Variants in LARP4B observed in about 807,000 individuals in gnomAD.
LARP4B encodes the protein la-related protein 4B.
In LARP4B, 12 loss-of-function variants were observed where a neutral mutation model predicts 89.8. The ratio of observed to expected loss-of-function variants is 0.13; its 90% CI spans 0.09 to 0.22. LARP4B has a LOEUF of 0.22. Among genes scored for constraint, LARP4B ranks in the 10% least tolerant of loss-of-function variants. LARP4B has a pLI of 1.00. For synonymous variants in LARP4B, 367 were observed against 363.3 expected (o/e 1.01, Z -0.12); for missense variants, 757 against 947.7 (o/e 0.80, Z 2.64).
the LARP4B span, among the ~76,000 whole-genome samples, chr10:937,041 T>A: frequency 6.6e-6 from 1 of 152,140 alleles, no homozygotes; most frequent in African/African-American, 2.4e-5. Context: ...GAAGAAGAGA[T>A]TTTTTTATTT....
chr10:852,706 C>T (rs1258851919), intron 5 of LARP4B, among the ~76,000 whole-genome samples: 4 of 152,082 alleles, frequency 2.6e-5, no homozygotes, highest in Admixed American at 2.0e-4. Flanking sequence ...TAAAATAATC[C>T]AATCATCTAT....
chr10:846,350 A>G (rs904518018), intron 5 of LARP4B, among the ~76,000 whole-genome samples: 3 of 152,230 alleles, frequency 2.0e-5, no homozygotes, highest in African/African-American at 7.2e-5. Flanking sequence ...AGAGAAACGG[A>G]CACTGAGGAA....
the LARP4B span, among the ~76,000 whole-genome samples, chr10:976,964 T>C: frequency 1.3e-5 from 2 of 151,406 alleles, no homozygotes; most frequent in East Asian, 2.0e-4. Flanking sequence ...TGTTGTGTAA[T>C]GTGTGGACCC....
the LARP4B span, among the ~76,000 whole-genome samples, chr10:947,720 C>G: frequency 6.6e-6 from 1 of 152,152 alleles, no homozygotes. Context: ...CTCCCAGGTT[C>G]AAGCAATTCT....
the LARP4B span, among the ~76,000 whole-genome samples, chr10:957,579 C>T: frequency 6.6e-6 from 1 of 151,986 alleles, no homozygotes; most frequent in Admixed American, 6.6e-5. Flanking sequence ...TATTGTTAGA[C>T]TTTGTATACC....
chr10:815,178 G>A, intron 15 of LARP4B, 108 bp from the exon 16 acceptor site: 1 of 1,327,292 alleles, frequency 7.5e-7, no homozygotes, highest in Non-Finnish European at 1.0e-6. Context: ...GCAGCACAAG[G>A]ACATAGGGGA....
chr10:876,079 C>T (rs752586571), intron 3 of LARP4B, among the ~76,000 whole-genome samples: 1 of 152,136 alleles, frequency 6.6e-6, no homozygotes, highest in Non-Finnish European at 1.5e-5. Flanking sequence ...AATGGTGGGA[C>T]AGGCACACAC....
At chr10:961,249 G>A in the LARP4B span, among the ~76,000 whole-genome samples, 4 of 152,360 alleles carry the variant, frequency 2.6e-5, no homozygotes, top group African/African-American at 9.6e-5. Flanking sequence ...TAGTCCATTC[G>A]TGTTGCTATA....
At chr10:965,841 G>A in the LARP4B span, among the ~76,000 whole-genome samples, 3 of 152,036 alleles carry the variant, frequency 2.0e-5, no homozygotes, top group South Asian at 2.1e-4. Flanking sequence ...ATCATCAACC[G>A]ATTTATGTCA....
chr10:963,538 A>G, the LARP4B span, among the ~76,000 whole-genome samples: 1 of 152,216 alleles, frequency 6.6e-6, no homozygotes, highest in Non-Finnish European at 1.5e-5. Context: ...GTGTCTAAAC[A>G]GAAGTGTGGG....
In LARP4B at chr10:900,353, T is replaced by G. The variant is rs1028502588; in HGVS notation, c.-39-14593A>C. ...AAGAACAAAACTCCATCTCAAAAAA[T>G]AAAAATAAAAAAATGATAATAATAA... On this transcript the variant is annotated intron_variant, in intron 1 of 17. Transcript: ENST00000316157. Among the ~76,000 whole-genome samples the G allele has an allele frequency of 3.2e-4, 32 of 100,974 alleles. 1 individual carries two copies. The highest frequency in any genetic ancestry group is 2.5e-4 in the Non-Finnish European group (12 of 48,252). The allele number at this position is 100,974 out of a possible 152,430, so 66.2% of individuals were successfully genotyped here. A position where few individuals can be genotyped will look rare whatever the true frequency, so the allele number is the denominator to read the frequency against.
intron 3 of LARP4B, among the ~76,000 whole-genome samples, chr10:867,868 A>T (rs1834993052): frequency 6.6e-6 from 1 of 150,646 alleles, no homozygotes. Flanking sequence ...CCTTGAAAAA[A>T]AAAAAAAAAA....
the LARP4B span, among the ~76,000 whole-genome samples, chr10:948,159 C>T: frequency 6.6e-6 from 1 of 152,260 alleles, no homozygotes; most frequent in Admixed American, 6.5e-5. Flanking sequence ...ATTCAGCTCA[C>T]ACACGGTCAA....
chr10:814,340 G>A lies in LARP4B; in HGVS notation c.1929+402C>T. 3.0e-6 allele frequency: 1 copy of A among 329,364 alleles called. No homozygotes were observed. The highest frequency in any genetic ancestry group is 6.0e-6 in the Non-Finnish European group (1 of 165,372). 20.4% of individuals were successfully genotyped at this position (329,364 alleles called of 1,614,324 possible). On this transcript the variant is annotated intron_variant, in intron 17 of 17. Coordinates refer to ENST00000316157, the MANE Select transcript of LARP4B (RefSeq NM_015155.3). The surrounding 1 kb of genome is among the most constrained non-coding windows in gnomAD (Gnocchi z 4.4). ...CAGGCCTGCTGGGCCCACAGGGGTT[G>A]GAGGCTGGTGGGGCCACCATCTTGC...
intron 3 of LARP4B, 76 bp from the exon 4 acceptor site, chr10:864,346 A>G (rs1174161120): frequency 6.9e-7 from 1 of 1,450,234 alleles, no homozygotes; most frequent in Non-Finnish European, 9.6e-7. Flanking sequence ...TGCAGAGTTA[A>G]GAGACATCAG....
At chr10:975,560 C>A in the LARP4B span, among the ~76,000 whole-genome samples, 1 of 152,228 alleles carries the variant, frequency 6.6e-6, no homozygotes, top group African/African-American at 2.4e-5. Context: ...GAGCGACTTT[C>A]AAGGGAGCTC....
chr10:824,474 C>A (rs995526503), intron 13 of LARP4B, among the ~76,000 whole-genome samples: 2 of 152,014 alleles, frequency 1.3e-5, no homozygotes, highest in Non-Finnish European at 2.9e-5. Context: ...GCCTGGGCAA[C>A]GGAGTGAGAC....
intron 1 of LARP4B, among the ~76,000 whole-genome samples, chr10:916,663 C>T (rs1289738865): frequency 3.3e-5 from 5 of 152,166 alleles, no homozygotes; most frequent in African/African-American, 1.2e-4. Context: ...CCATTGCACT[C>T]CAGCCTGGGC....
At chr10:980,427 G>A in the LARP4B span, among the ~76,000 whole-genome samples, 1 of 152,202 alleles carries the variant, frequency 6.6e-6, no homozygotes, top group African/African-American at 2.4e-5. Flanking sequence ...TCTCTGTGAG[G>A]GCTCTCTCCC....
Sources: gnomAD v4.1 joint callset for allele counts (sites outside exome capture counted in the v4.1 genomes callset) on GRCh38, gnomAD v4.1.1 for gene constraint, Gnocchi (gnomAD v3.1) non-coding constraint, MANE v1.5 for transcripts, NCBI Gene and HGNC (gene_info 2026-07-23, HGNC 2026-07-21) for gene names.